The following ADARB2 variants were observed in gnomAD, a reference collection of about 807,000 sequenced individuals.
ADARB2 encodes inactive double-stranded RNA-specific editase B2.
Under a neutral mutation model 62.2 loss-of-function variants are expected in ADARB2, and 25 were observed. The observed-to-expected ratio is 0.40, with a 90% CI of 0.29 to 0.56. The LOEUF (loss-of-function observed/expected upper bound fraction) is 0.56. Among genes scored for constraint, ADARB2 ranks in the 20% least tolerant of loss-of-function variants. The probability of loss-of-function intolerance (pLI) is 0.43; values close to 1 mark genes in which losing one functional copy is unlikely to be tolerated. For missense variants in ADARB2, 1,071 were observed against 1,077.4 expected (o/e 0.99, Z 0.08); for synonymous variants, 572 against 500.8 (o/e 1.14, Z -1.90).
intron 1 of ADARB2, among the ~76,000 whole-genome samples, chr10:1,659,265 C>G (rs547181221): frequency 6.6e-6 from 1 of 152,092 alleles, no homozygotes; most frequent in African/African-American, 2.4e-5. Flanking sequence ...ATGAAAAGAC[C>G]GAATCATTCC....
At chr10:1,475,668 C>G (rs986066778) in intron 1 of ADARB2, among the ~76,000 whole-genome samples, 4 of 152,164 alleles carry the variant, frequency 2.6e-5, no homozygotes, top group African/African-American at 9.7e-5. Context: ...GCCATTTGAG[C>G]CAGACCTTAT....
chr10:1,683,037 G>C (rs772066384), intron 1 of ADARB2, among the ~76,000 whole-genome samples: 1 of 152,214 alleles, frequency 6.6e-6, no homozygotes, highest in Non-Finnish European at 1.5e-5. Flanking sequence ...CTTCATTTGC[G>C]TGGAAGCAGA....
At chr10:1,429,018 A>G (rs946473034) in intron 1 of ADARB2, among the ~76,000 whole-genome samples, 10 of 150,578 alleles carry the variant, frequency 6.6e-5, no homozygotes, top group African/African-American at 2.0e-4. Flanking sequence ...GGTCTGAATC[A>G]GGTGGGTGGG....
At chr10:1,388,193 T>G (rs1832540188) in intron 1 of ADARB2, among the ~76,000 whole-genome samples, 1 of 152,146 alleles carries the variant, frequency 6.6e-6, no homozygotes, top group African/African-American at 2.4e-5. Flanking sequence ...CCATTCTTCA[T>G]GAAAATTCTC....
At chr10:1,715,311 C>T (rs1026680041) in intron 1 of ADARB2, among the ~76,000 whole-genome samples, 2 of 152,038 alleles carry the variant, frequency 1.3e-5, no homozygotes, top group Admixed American at 1.3e-4. Context: ...ATTGGCAGAA[C>T]TTTATCTATG....
chr10:1,421,975 G>A (rs1042223313), intron 1 of ADARB2, among the ~76,000 whole-genome samples: 14 of 152,200 alleles, frequency 9.2e-5, no homozygotes, highest in African/African-American at 3.4e-4. Flanking sequence ...GCAGCCCCAG[G>A]TACCTACTCT....
At chr10:1,504,441 T>C (rs1831809449) in intron 1 of ADARB2, among the ~76,000 whole-genome samples, 1 of 150,692 alleles carries the variant, frequency 6.6e-6, no homozygotes, top group African/African-American at 2.4e-5. Context: ...TGAGTACACG[T>C]CTCATTGCAG....
chr10:1,630,821 G>A (rs1256865290), intron 1 of ADARB2, among the ~76,000 whole-genome samples: 1 of 152,084 alleles, frequency 6.6e-6, no homozygotes, highest in African/African-American at 2.4e-5. Flanking sequence ...CAGGTGTGGT[G>A]GTGGGCGTCT....
chr10:1,660,287 G>T (rs547105723), intron 1 of ADARB2, among the ~76,000 whole-genome samples: 2 of 152,370 alleles, frequency 1.3e-5, no homozygotes, highest in African/African-American at 2.4e-5. Context: ...CAGCACTTGG[G>T]TGTTGTTTAG....
intron 9 of ADARB2, among the ~76,000 whole-genome samples, chr10:1,184,084 C>T (rs1186431108): frequency 1.3e-5 from 2 of 152,184 alleles, no homozygotes; most frequent in East Asian, 1.9e-4. Flanking sequence ...GGATGCTGGG[C>T]GTCTCGGCCA....
intron 1 of ADARB2, among the ~76,000 whole-genome samples, chr10:1,717,212 T>G (rs1018321748): frequency 6.8e-6 from 1 of 147,780 alleles, no homozygotes; most frequent in Non-Finnish European, 1.5e-5. Flanking sequence ...TCTTCCCATT[T>G]GCAGACACAG....
intron 1 of ADARB2, among the ~76,000 whole-genome samples, chr10:1,404,395 C>A (rs920813906): frequency 6.6e-6 from 1 of 152,224 alleles, no homozygotes; most frequent in Non-Finnish European, 1.5e-5. Flanking sequence ...GTGCCCAGCA[C>A]AAATAATTCT....
intron 1 of ADARB2, among the ~76,000 whole-genome samples, chr10:1,637,619 A>G (rs1833932658): frequency 6.6e-6 from 1 of 152,000 alleles, no homozygotes; most frequent in Non-Finnish European, 1.5e-5. Context: ...TGTAAGGTGA[A>G]TTCTTGTCCT....
At chr10:1,386,979 T>C (rs1468842053) in intron 1 of ADARB2, among the ~76,000 whole-genome samples, 2 of 151,970 alleles carry the variant, frequency 1.3e-5, no homozygotes, top group Non-Finnish European at 2.9e-5. Context: ...GGAAAATCTG[T>C]ATATACTCAG....
intron 1 of ADARB2, among the ~76,000 whole-genome samples, chr10:1,670,212 T>C (rs1425964571): frequency 6.6e-6 from 1 of 152,238 alleles, no homozygotes; most frequent in Non-Finnish European, 1.5e-5. Flanking sequence ...TATGTTTGCG[T>C]ATAATTTTCA....
intron 1 of ADARB2, among the ~76,000 whole-genome samples, chr10:1,497,467 A>T (rs1179993533): frequency 6.6e-6 from 1 of 152,232 alleles, no homozygotes; most frequent in Non-Finnish European, 1.5e-5. Flanking sequence ...AATTTTAGAG[A>T]AAGAGCTTTT....
chr10:1,583,178 C>G (rs139654184), intron 1 of ADARB2, among the ~76,000 whole-genome samples: 1 of 138,348 alleles, frequency 7.2e-6, no homozygotes, highest in African/African-American at 2.7e-5. Flanking sequence ...CCACAGAGGT[C>G]ACATTTCAAT....
chr10:1,386,123 G>T, intron 1 of ADARB2, among the ~76,000 whole-genome samples: 1 of 151,980 alleles, frequency 6.6e-6, no homozygotes, highest in Admixed American at 6.5e-5. Flanking sequence ...GCTATGATAA[G>T]TTAAACATGC....
At chr10:1,205,579 TG>T (rs1490966066) in intron 7 of ADARB2, among the ~76,000 whole-genome samples, 1 of 152,230 alleles carries the variant, frequency 6.6e-6, no homozygotes, top group African/African-American at 2.4e-5. Context: ...CGAATGCTTG[TG>T]TTCCCAAAAA....
Sources: allele counts gnomAD v4.1 joint callset (sites outside exome capture counted in the v4.1 genomes callset), GRCh38; gene constraint gnomAD v4.1.1; transcripts MANE v1.5; gene names NCBI Gene and HGNC (gene_info 2026-07-23, HGNC 2026-07-21).